The following ZHX3 variants were observed in gnomAD, a reference collection of about 807,000 sequenced individuals.
ZHX3 encodes zinc fingers and homeoboxes 3.
In ZHX3, 20 loss-of-function variants were observed where a neutral mutation model predicts 64.5. The observed-to-expected ratio is 0.31, with a 90% CI of 0.22 to 0.45. The LOEUF (loss-of-function observed/expected upper bound fraction) is 0.45, where lower values mean the gene tolerates loss of function less well. Ranked by LOEUF, ZHX3 falls within the 20% of genes least tolerant of loss-of-function variation. The probability of loss-of-function intolerance (pLI) is 1.00; values close to 1 mark genes in which losing one functional copy is unlikely to be tolerated. For missense variants in ZHX3, 1,041 were observed against 1,195.8 expected (o/e 0.87, Z 1.91); for synonymous variants, 423 against 461.6 (o/e 0.92, Z 1.07).
rs764099384 is a variant in ZHX3, at chr20:41,203,341, G to A, written c.1576C>T (p.His526Tyr). 1 of 1,614,188 alleles carries A rather than the reference G, an allele frequency of 6.2e-7. No individual in the cohort carries two copies. Among genetic ancestry groups the A allele is most frequent in the Non-Finnish European group, 8.5e-7 (1 of 1,180,032 alleles). Reference sequence around the variant, plus strand: ...CTGAGGCCCGTCACTTTTGTGAGATGTTCAACTTCGCTCTGCCCTGGGAAC... The same window carrying A: ...CTGAGGCCCGTCACTTTTGTGAGATATTCAACTTCGCTCTGCCCTGGGAAC... ...NQFPGQSEVE[H>Y]LTKVTGLSTR... Residue 526 changes from histidine to tyrosine, a missense_variant, in exon 3 of 4, where the codon CAT becomes TAT. Physicochemically the swap from His to Tyr is moderately conservative, Grantham distance 83. Transcript: ENST00000683867. This position sits in a 1 kb window ranked among gnomAD's most constrained non-coding sequence, Gnocchi z 7.1.
Position 41,224,706 on chromosome 20 carries a change from T to G in ZHX3, c.-150-19640A>C, listed in dbSNP as rs1424012793. Among the ~76,000 whole-genome samples the G allele has an allele frequency of 6.6e-6, 1 of 152,188 alleles. No individual in the cohort carries two copies. The highest frequency in any genetic ancestry group is 1.5e-5 in the Non-Finnish European group (1 of 68,032). On this transcript the variant is annotated intron_variant, in intron 2 of 3. Coordinates refer to ENST00000683867, the MANE Select transcript of ZHX3 (RefSeq NM_001384317.1). The surrounding 1 kb of genome is among the most constrained non-coding windows in gnomAD (Gnocchi z 5.2). ...CATCACAAGGCCATTTGGATACACGTTTTCAGACACTCATTTATAATTCCA... is the reference window on the plus strand; with the variant it reads ...CATCACAAGGCCATTTGGATACACGGTTTCAGACACTCATTTATAATTCCA...
chr20:41,235,765 G>C (rs1019267503), intron 2 of ZHX3, among the ~76,000 whole-genome samples: 4 of 152,122 alleles, frequency 2.6e-5, no homozygotes, highest in African/African-American at 9.7e-5. Context: ...TGGAAGTTCT[G>C]GCCAGGGCAA....
intron 1 of ZHX3, among the ~76,000 whole-genome samples, chr20:41,310,100 G>A (rs1329772903): frequency 6.6e-6 from 1 of 151,954 alleles, no homozygotes; most frequent in Non-Finnish European, 1.5e-5. Flanking sequence ...TCACCCCCTG[G>A]CCAATATCCC....
At chr20:41,206,725 T>G (rs536517236) in intron 2 of ZHX3, among the ~76,000 whole-genome samples, 3 of 152,170 alleles carry the variant, frequency 2.0e-5, no homozygotes, top group Non-Finnish European at 2.9e-5. Flanking sequence ...AAAACACTCT[T>G]CAGGATATTA....
chr20:41,249,372 A>G (rs1231215275), intron 2 of ZHX3, among the ~76,000 whole-genome samples: 1 of 152,258 alleles, frequency 6.6e-6, no homozygotes, highest in Non-Finnish European at 1.5e-5. Context: ...AGACCCTACA[A>G]AAGTGACAGT....
At chr20:41,307,129 G>C (rs558633786) in intron 1 of ZHX3, among the ~76,000 whole-genome samples, 1 of 152,150 alleles carries the variant, frequency 6.6e-6, no homozygotes, top group Non-Finnish European at 1.5e-5. Flanking sequence ...AAAGGTCTAG[G>C]GCAGAAAGAG....
intron 2 of ZHX3, among the ~76,000 whole-genome samples, chr20:41,245,923 G>A (rs1161505111): frequency 6.6e-6 from 1 of 152,204 alleles, no homozygotes. Context: ...ATGCTGAAGA[G>A]ACAGCTTGCA....
At chr20:41,216,636 A>T (rs561930704) in intron 2 of ZHX3, among the ~76,000 whole-genome samples, 13 of 152,310 alleles carry the variant, frequency 8.5e-5, no homozygotes, top group African/African-American at 3.1e-4. Flanking sequence ...GATAAGAGAC[A>T]TTTGCATTTC....
At chr20:41,208,870 T>C (rs561990633) in intron 2 of ZHX3, among the ~76,000 whole-genome samples, 2 of 152,018 alleles carry the variant, frequency 1.3e-5, no homozygotes, top group Non-Finnish European at 2.9e-5. Flanking sequence ...GAAATAAAGG[T>C]TATTCGATTA....
rs576935765 is a variant in ZHX3 at position 41,236,966 on chromosome 20, A to G, written c.-150-31900T>C. 2.0e-5 allele frequency among the ~76,000 whole-genome samples: 3 copies of G among 152,372 alleles called. No individual in the cohort carries two copies. The East Asian group carries it at 5.8e-4, about 29-fold the overall frequency. On this transcript the variant is annotated intron_variant, in intron 2 of 3. Transcript: ENST00000683867. Reference sequence around the variant, plus strand: ...AAGTGGGCAAAGGATATGAACAGACACTTCTCAAAAGAAGACATTTATGCA... The same window carrying G: ...AAGTGGGCAAAGGATATGAACAGACGCTTCTCAAAAGAAGACATTTATGCA...
chr20:41,195,664 C>CCT lies in ZHX3; in HGVS notation c.2860+6391_2860+6392dup, dbSNP rs2146172428. On this transcript the variant is annotated intron_variant, in intron 3 of 3. Transcript: ENST00000683867. This position sits in a 1 kb window ranked among gnomAD's most constrained non-coding sequence, Gnocchi z 4.2. Reference sequence around the variant, plus strand: ...CTCCTGACCTCAGGTGATCCACCCACCTTAGCCTCCCAAAGTGTGGGGATT... The same window carrying CCT: ...CTCCTGACCTCAGGTGATCCACCCACCTCTTAGCCTCCCAAAGTGTGGGGATT... Among the ~76,000 whole-genome samples, 1 of 152,334 alleles carries CCT rather than the reference C, an allele frequency of 6.6e-6. No individual in the cohort carries two copies. The highest frequency in any genetic ancestry group is 2.4e-5 in the African/African-American group (1 of 41,582).
intron 1 of ZHX3, among the ~76,000 whole-genome samples, chr20:41,294,740 G>A (rs932390591): frequency 6.6e-6 from 1 of 152,026 alleles, no homozygotes; most frequent in South Asian, 2.1e-4. Context: ...ATGGAGTCTT[G>A]CTCTGTTGCC....
chr20:41,235,711 A>G (rs893335942), intron 2 of ZHX3, among the ~76,000 whole-genome samples: 2 of 152,212 alleles, frequency 1.3e-5, no homozygotes, highest in Non-Finnish European at 2.9e-5. Flanking sequence ...AAACTGGCAC[A>G]AGACAGGAAT....
chr20:41,209,536 T>C lies in ZHX3; in HGVS notation c.-150-4470A>G, dbSNP rs141423144. Among the ~76,000 whole-genome samples the C allele has an allele frequency of 4.4e-3, 663 of 152,182 alleles. 6 individuals carry two copies. The highest frequency in any genetic ancestry group is 0.022 in the East Asian group (116 of 5,172). The stretch of plus-strand genomic sequence containing the variant: ...AACAGAACAGAGCCCTCGGAAATAA[T>C]ACCACACATCTACAACCATGTGATC... On this transcript the variant is annotated intron_variant, in intron 2 of 3. Coordinates refer to ENST00000683867, the MANE Select transcript of ZHX3 (RefSeq NM_001384317.1).
chr20:41,295,173 A>G (rs1431771364), intron 1 of ZHX3, among the ~76,000 whole-genome samples: 1 of 152,206 alleles, frequency 6.6e-6, no homozygotes, highest in Non-Finnish European at 1.5e-5. Context: ...TTCCAGAAGA[A>G]CAAAAGAGGG....
chr20:41,295,524 T>A (rs2044465052), intron 1 of ZHX3, among the ~76,000 whole-genome samples: 1 of 152,110 alleles, frequency 6.6e-6, no homozygotes, highest in Admixed American at 6.5e-5. Context: ...TTTTAAAAAA[T>A]TTAAACTTTC....
intron 1 of ZHX3, among the ~76,000 whole-genome samples, chr20:41,301,904 A>C: frequency 6.6e-6 from 1 of 151,234 alleles, no homozygotes; most frequent in Non-Finnish European, 1.5e-5. Context: ...AATACAAAAA[A>C]TTAGCCGGGC....
chr20:41,306,232 T>A (rs143238461), intron 1 of ZHX3, among the ~76,000 whole-genome samples: 195 of 152,308 alleles, frequency 1.3e-3, no homozygotes, highest in African/African-American at 4.5e-3. Context: ...AAATACTCCA[T>A]TAGTCATTCT....
chr20:41,256,173 T>C (rs776410151), intron 2 of ZHX3, among the ~76,000 whole-genome samples: 4 of 152,124 alleles, frequency 2.6e-5, no homozygotes, highest in Admixed American at 1.3e-4. Flanking sequence ...AGAGGCACCT[T>C]TGAGTGAGGT....
Sources: allele counts gnomAD v4.1 joint callset (sites outside exome capture counted in the v4.1 genomes callset), GRCh38; gene constraint gnomAD v4.1.1; non-coding constraint Gnocchi (gnomAD v3.1); transcripts MANE v1.5; gene names NCBI Gene and HGNC (gene_info 2026-07-23, HGNC 2026-07-21).